BACH2: variants seen among roughly 807,000 people sequenced by gnomAD.
BACH2 encodes BACH transcriptional regulator 2, also known as transcription regulator protein BACH2.
In BACH2, 5 loss-of-function variants were observed where a neutral mutation model predicts 61.8. The ratio of observed to expected loss-of-function variants is 0.08; its 90% confidence interval spans 0.04 to 0.17. BACH2 has a LOEUF of 0.17. BACH2 is among the 10% of genes least tolerant of loss of function. BACH2 has a pLI of 1.00. For synonymous variants in BACH2, 446 were observed against 440.1 expected (o/e 1.01, Z -0.17); for missense variants, 824 against 1,091.1 (o/e 0.76, Z 3.45).
At chr6:90,015,299 T>G (rs1003231425) in intron 5 of BACH2, among the ~76,000 whole-genome samples, 2 of 152,160 alleles carry the variant, frequency 1.3e-5, no homozygotes, top group Non-Finnish European at 2.9e-5. Context: ...CATTGTTATA[T>G]CCTTTATTTT....
At chr6:90,224,374 G>A (rs1386198846) in intron 3 of BACH2, among the ~76,000 whole-genome samples, 1 of 152,140 alleles carries the variant, frequency 6.6e-6, no homozygotes, top group Non-Finnish European at 1.5e-5. Context: ...GCTCTGAAAC[G>A]CTGCCTGGCA....
At chr6:90,269,232 A>G (rs1039004182) in intron 2 of BACH2, among the ~76,000 whole-genome samples, 1 of 151,962 alleles carries the variant, frequency 6.6e-6, no homozygotes, top group African/African-American at 2.4e-5. Context: ...TCACCTACCA[A>G]TATTCTATGC....
intron 3 of BACH2, among the ~76,000 whole-genome samples, chr6:90,228,973 A>G (rs1409107604): frequency 6.6e-6 from 1 of 152,224 alleles, no homozygotes; most frequent in Non-Finnish European, 1.5e-5. Flanking sequence ...TAATCCTGCC[A>G]GCTGAAACGC....
intron 6 of BACH2, among the ~76,000 whole-genome samples, chr6:89,987,362 C>T (rs1355468787): frequency 3.3e-5 from 5 of 152,110 alleles, no homozygotes; most frequent in Non-Finnish European, 7.4e-5. Context: ...CTCTTTACCA[C>T]TCAAATCAGA....
chr6:90,090,679 A>G (rs1220271397), intron 4 of BACH2, among the ~76,000 whole-genome samples: 1 of 152,204 alleles, frequency 6.6e-6, no homozygotes, highest in Admixed American at 6.5e-5. Flanking sequence ...TTAGATGTGG[A>G]CAGTGGGGGA....
intron 5 of BACH2, among the ~76,000 whole-genome samples, chr6:90,038,472 G>T (rs369693995): frequency 5.9e-5 from 9 of 152,138 alleles, no homozygotes; most frequent in African/African-American, 2.2e-4. Context: ...CCATGTTGTT[G>T]TGTATAAGAG....
intron 6 of BACH2, among the ~76,000 whole-genome samples, chr6:89,965,611 T>C (rs1584541073): frequency 1.3e-5 from 2 of 152,370 alleles, no homozygotes; most frequent in South Asian, 4.1e-4. Flanking sequence ...GCCCTAGTAC[T>C]GCCCACTTGG....
At chr6:90,189,719 G>A (rs1249958931) in intron 4 of BACH2, among the ~76,000 whole-genome samples, 3 of 151,968 alleles carry the variant, frequency 2.0e-5, no homozygotes, top group Non-Finnish European at 2.9e-5. Flanking sequence ...ACCAGAAGGA[G>A]GAGGTGCTCA....
chr6:89,965,071 G>A (rs1485487888), intron 6 of BACH2, among the ~76,000 whole-genome samples: 3 of 152,112 alleles, frequency 2.0e-5, no homozygotes, highest in Non-Finnish European at 4.4e-5. Context: ...ATTTTTAGTA[G>A]AGAAGGGGTT....
chr6:89,926,546 T>C lies in BACH2; in HGVS notation c.*5862A>G, dbSNP rs983467886. ...GAGAAAATCAGTTTACAATGCATAA[T>C]GATATGTCTTTATTTCATCAACAGA... On this transcript the variant is annotated 3_prime_UTR_variant, in exon 9 of 9. Coordinates refer to ENST00000257749, the MANE Select transcript of BACH2 (RefSeq NM_021813.4). 10 of 152,790 alleles carry C rather than the reference T, an allele frequency of 6.5e-5. No individual in the cohort carries two copies. Among genetic ancestry groups the C allele is most frequent in the Non-Finnish European group, 1.3e-4 (9 of 68,040 alleles). 9.5% of individuals were successfully genotyped at this position (152,790 alleles called of 1,614,324 possible).
intron 1 of BACH2, among the ~76,000 whole-genome samples, chr6:90,295,833 A>G (rs1772343115): frequency 1.3e-5 from 2 of 152,152 alleles, no homozygotes; most frequent in East Asian, 1.9e-4. Flanking sequence ...CTGCGCCGCG[A>G]GGCCCCCAGC....
chr6:89,987,465 C>T (rs1258326190), intron 6 of BACH2, among the ~76,000 whole-genome samples: 2 of 152,122 alleles, frequency 1.3e-5, no homozygotes, highest in Non-Finnish European at 2.9e-5. Context: ...GGCAGAAGTA[C>T]ATTAAACACT....
At chr6:90,123,192 AGAG>A (rs1783703392) in intron 4 of BACH2, among the ~76,000 whole-genome samples, 1 of 152,206 alleles carries the variant, frequency 6.6e-6, no homozygotes, top group African/African-American at 2.4e-5. Flanking sequence ...AAGAGAAGAC[AGAG>A]GAGAAGGCCA....
intron 4 of BACH2, among the ~76,000 whole-genome samples, chr6:90,197,246 A>C (rs1768790822): frequency 6.6e-6 from 1 of 152,236 alleles, no homozygotes; most frequent in Non-Finnish European, 1.5e-5. Flanking sequence ...ATGAAGGGAA[A>C]ATAAAGCCAA....
chr6:90,283,964 A>G (rs1453632432), intron 1 of BACH2, among the ~76,000 whole-genome samples: 1 of 151,938 alleles, frequency 6.6e-6, no homozygotes, highest in Non-Finnish European at 1.5e-5. Context: ...CCGAGATCGC[A>G]CCACTGCACT....
chr6:90,121,926 C>T (rs994822706), intron 4 of BACH2, among the ~76,000 whole-genome samples: 8 of 152,180 alleles, frequency 5.3e-5, no homozygotes, highest in African/African-American at 1.2e-4. Context: ...GTGATTCTGC[C>T]TTTTGCCCCC....
At chr6:90,051,711 T>C (rs1203450082) in intron 5 of BACH2, among the ~76,000 whole-genome samples, 1 of 152,304 alleles carries the variant, frequency 6.6e-6, no homozygotes, top group East Asian at 1.9e-4. Context: ...TCTTTTTTTT[T>C]ACCTTCTCAA....
intron 6 of BACH2, among the ~76,000 whole-genome samples, chr6:89,971,389 T>C (rs1234675375): frequency 6.6e-6 from 1 of 152,196 alleles, no homozygotes; most frequent in Non-Finnish European, 1.5e-5. Flanking sequence ...AACGAATGCA[T>C]ACTGACCACT....
chr6:90,240,574 C>T (rs1770416946), intron 3 of BACH2, among the ~76,000 whole-genome samples: 1 of 152,144 alleles, frequency 6.6e-6, no homozygotes, highest in South Asian at 2.1e-4. Flanking sequence ...AATTCTTCCT[C>T]ATAAGAACTA....
Sources: gnomAD v4.1 joint callset for allele counts (sites outside exome capture counted in the v4.1 genomes callset) on GRCh38, gnomAD v4.1.1 for gene constraint, MANE v1.5 for transcripts, NCBI Gene and HGNC (gene_info 2026-07-23, HGNC 2026-07-21) for gene names.